Variants in TRAPPC8 observed in about 807,000 individuals in gnomAD.
The protein encoded by TRAPPC8 is trafficking protein particle complex subunit 8, also known as general sporulation gene 1 homolog.
In TRAPPC8, 54 loss-of-function variants were observed where a neutral mutation model predicts 174.3. That is an observed-to-expected ratio of 0.31 (90% CI 0.25 to 0.39). The LOEUF (loss-of-function observed/expected upper bound fraction) is 0.39. Ranked by LOEUF, TRAPPC8 falls within the 10% of genes least tolerant of loss-of-function variation. The pLI is 1.00. For synonymous variants in TRAPPC8, 630 were observed against 579.9 expected (o/e 1.09, Z -1.24); for missense variants, 1,531 against 1,699.1 (o/e 0.90, Z 1.74).
rs1470715486 is a variant in TRAPPC8 at position 31,915,826 on chromosome 18, G to A, written c.617+446C>T. Reference sequence around the variant, plus strand: ...GGCGTGAACCCAGGAAGCGGAGCTTGCAGTGAGCTGAGATCGTGCCACTGC... The same window carrying A: ...GGCGTGAACCCAGGAAGCGGAGCTTACAGTGAGCTGAGATCGTGCCACTGC... On this transcript the variant is annotated intron_variant, in intron 4 of 28. Coordinates refer to ENST00000283351, the MANE Select transcript of TRAPPC8 (RefSeq NM_014939.5). Among the ~76,000 whole-genome samples the A allele has an allele frequency of 3.3e-5, 5 of 151,040 alleles. No individual in the cohort carries two copies. In the South Asian group the frequency reaches 6.3e-4, roughly 19 times the overall value.
intron 27 of TRAPPC8, among the ~76,000 whole-genome samples, chr18:31,838,922 C>T (rs780811379): frequency 6.6e-6 from 1 of 152,134 alleles, no homozygotes; most frequent in Non-Finnish European, 1.5e-5. Context: ...ATCCCCATCC[C>T]CATCCAGGGT....
At chr18:31,885,147 G>A (rs886978362) in intron 12 of TRAPPC8, among the ~76,000 whole-genome samples, 9 of 152,020 alleles carry the variant, frequency 5.9e-5, no homozygotes, top group Admixed American at 3.3e-4. Flanking sequence ...GTGAGCCACC[G>A]TACCCAGCCA....
chr18:31,858,956 T>G (rs1185994087), intron 19 of TRAPPC8, among the ~76,000 whole-genome samples: 1 of 151,962 alleles, frequency 6.6e-6, no homozygotes, highest in African/African-American at 2.4e-5. Flanking sequence ...CTACAAAAAA[T>G]GAGCCGCACG....
At chr18:31,852,871 G>T in intron 22 of TRAPPC8, 1 of 535,780 alleles carries the variant, frequency 1.9e-6, no homozygotes, top group Non-Finnish European at 3.3e-6. Context: ...ATCCATGTGT[G>T]CACATGTATA....
At position 31,868,715 on chromosome 18, in the gene TRAPPC8, T is replaced by G. The variant is rs563647934; in HGVS notation, c.2389-1239A>C. Among the ~76,000 whole-genome samples the G allele has an allele frequency of 3.3e-5, 5 of 152,280 alleles. No homozygotes were observed. In the East Asian group the frequency reaches 9.6e-4, roughly 29 times the overall value. ...TTGTTTGTTTACTTGTTTTGTGGTT[T>G]TTTTTGAGACAAGATCTTGCTCTGT... is the stretch of plus-strand genomic sequence containing the variant. On this transcript the variant is annotated intron_variant, in intron 16 of 28. Coordinates refer to ENST00000283351, the MANE Select transcript of TRAPPC8 (RefSeq NM_014939.5).
rs1325858757 is a variant in TRAPPC8 at position 31,922,428 on chromosome 18, C to CA, written c.353-4762dup. On this transcript the variant is annotated intron_variant, in intron 2 of 28. Transcript: ENST00000283351. ...GGAAACATAGCAAACCCTGTCTCTACAAAAAGTACAAAAATTAGTCGGGAG... is the reference window on the plus strand; with the variant it reads ...GGAAACATAGCAAACCCTGTCTCTACAAAAAAGTACAAAAATTAGTCGGGAG... Among the ~76,000 whole-genome samples, 5 of 150,434 alleles carry CA rather than the reference C, an allele frequency of 3.3e-5. No individual in the cohort carries two copies. In the East Asian group the frequency reaches 1.0e-3, roughly 30 times the overall value.
intron 2 of TRAPPC8, among the ~76,000 whole-genome samples, chr18:31,920,945 C>CAAAA (rs71177808): frequency 6.5e-5 from 5 of 76,884 alleles, no homozygotes; most frequent in African/African-American, 9.3e-5. Flanking sequence ...CACTCCGTCT[C>CAAAA]AAAAAAAAAA....
chr18:31,903,953 A>G lies in TRAPPC8; in HGVS notation c.1390-2928T>C, dbSNP rs896600688. Among the ~76,000 whole-genome samples the G allele has an allele frequency of 8.6e-5, 13 of 151,972 alleles. No homozygotes were observed. In the South Asian group the frequency reaches 2.7e-3, roughly 32 times the overall value. ...TGGTGGTTAAAGGATTTAGAAATGA[A>G]GATTAAGCACAGTGCCACATGCCTG... On this transcript the variant is annotated intron_variant, in intron 9 of 28. Transcript: ENST00000283351.
intron 5 of TRAPPC8, among the ~76,000 whole-genome samples, chr18:31,911,565 C>T (rs1357637657): frequency 6.6e-6 from 1 of 151,472 alleles, no homozygotes. Context: ...ATGGTGAAAC[C>T]CCATCTCTAC....
intron 13 of TRAPPC8, 23 bp downstream of exon 13, chr18:31,874,457 C>G: frequency 1.3e-6 from 2 of 1,591,920 alleles, no homozygotes; most frequent in Non-Finnish European, 1.7e-6. Flanking sequence ...AATATCTATT[C>G]CTGAATGAAA....
chr18:31,890,923 T>A, intron 11 of TRAPPC8, 57 bp from the exon 12 acceptor site: 3 of 1,507,226 alleles, frequency 2.0e-6, no homozygotes, highest in Admixed American at 2.2e-5. Flanking sequence ...AGTAAATAGA[T>A]AACTAGTGAA....
At chr18:31,885,857 T>C (rs770920570) in intron 12 of TRAPPC8, among the ~76,000 whole-genome samples, 1 of 150,952 alleles carries the variant, frequency 6.6e-6, no homozygotes, top group Non-Finnish European at 1.5e-5. Flanking sequence ...CAAAACTCCA[T>C]CTCAAAAAAA....
intron 2 of TRAPPC8, among the ~76,000 whole-genome samples, chr18:31,928,091 G>C (rs1017519608): frequency 3.3e-5 from 5 of 151,854 alleles, no homozygotes; most frequent in African/African-American, 1.2e-4. Flanking sequence ...AGGGGGAAGA[G>C]GTTGCAGTGA....
chr18:31,871,224 A>C, intron 14 of TRAPPC8, 104 bp from the exon 15 acceptor site: 1 of 547,492 alleles, frequency 1.8e-6, no homozygotes, highest in Non-Finnish European at 2.9e-6. Context: ...ATATATATAC[A>C]TTCACTCTTG....
chr18:31,835,290 T>G (rs1004181588), intron 27 of TRAPPC8, among the ~76,000 whole-genome samples: 1 of 152,180 alleles, frequency 6.6e-6, no homozygotes, highest in Non-Finnish European at 1.5e-5. Flanking sequence ...ATACACCTAG[T>G]AAGACACTAT....
chr18:31,838,612 A>T lies in TRAPPC8; in HGVS notation c.3983+700T>A, dbSNP rs75147216. Among the ~76,000 whole-genome samples, 841 of 152,248 alleles carry T rather than the reference A, an allele frequency of 5.5e-3. 5 individuals are homozygous for T. Among genetic ancestry groups the T allele is most frequent in the African/African-American group, 0.019 (801 of 41,556 alleles). On this transcript the variant is annotated intron_variant, in intron 27 of 28. Coordinates refer to ENST00000283351, the MANE Select transcript of TRAPPC8 (RefSeq NM_014939.5). ...GCTTCTCAACCTATGATGTCATGCTATTCTACCCTCTATACAGTGGCATTC... is the reference window on the plus strand; with the variant it reads ...GCTTCTCAACCTATGATGTCATGCTTTTCTACCCTCTATACAGTGGCATTC...
At chr18:31,902,001 G>A (rs771370080) in intron 9 of TRAPPC8, among the ~76,000 whole-genome samples, 9 of 152,154 alleles carry the variant, frequency 5.9e-5, no homozygotes, top group Non-Finnish European at 1.2e-4. Context: ...GTATTTGACA[G>A]TTATCTTTTC....
chr18:31,934,474 A>T (rs1045500696), intron 1 of TRAPPC8, among the ~76,000 whole-genome samples: 5 of 151,938 alleles, frequency 3.3e-5, no homozygotes, highest in African/African-American at 1.2e-4. Flanking sequence ...TAAACTTCCC[A>T]GTCAGTCTAA....
At chr18:31,872,544 C>T (rs1315862727) in intron 14 of TRAPPC8, among the ~76,000 whole-genome samples, 12 of 151,930 alleles carry the variant, frequency 7.9e-5, no homozygotes, top group African/African-American at 2.4e-4. Context: ...TTCAGCCTCC[C>T]GAGTAGCTGG....
Sources: allele counts gnomAD v4.1 joint callset (sites outside exome capture counted in the v4.1 genomes callset), GRCh38; gene constraint gnomAD v4.1.1; transcripts MANE v1.5; gene names NCBI Gene and HGNC (gene_info 2026-07-23, HGNC 2026-07-21).